TGFBRAP1: variants seen among roughly 807,000 people sequenced by gnomAD.
TGFBRAP1 encodes transforming growth factor beta receptor associated protein 1.
TGFBRAP1 carries 20 observed loss-of-function variants against 83.2 expected under a neutral mutation model. The ratio of observed to expected loss-of-function variants is 0.24; its 90% CI spans 0.17 to 0.35. The LOEUF is 0.35. TGFBRAP1 is among the 10% of genes least tolerant of loss of function. The pLI is 1.00. For missense variants in TGFBRAP1, 950 were observed against 1,099.4 expected (o/e 0.86, Z 1.92); for synonymous variants, 415 against 459.8 (o/e 0.90, Z 1.25).
chr2:105,284,429 T>A, intron 4 of TGFBRAP1, 31 bp from the exon 5 acceptor site: 1 of 1,601,532 alleles, frequency 6.2e-7, no homozygotes, highest in Non-Finnish European at 8.6e-7. Context: ...AATCTCTTAG[T>A]GAATCTTGAA....
At chr2:105,316,462 T>TGTGTGTGTGTGTGCGC (rs1177329674) in intron 1 of TGFBRAP1, among the ~76,000 whole-genome samples, 13 of 84,810 alleles carry the variant, frequency 1.5e-4, no homozygotes, top group African/African-American at 3.2e-4. Flanking sequence ...TGTGTGTGTG[T>TGTGTGTGTGTGTGCGC]GCGCGCGCGC....
chr2:105,305,108 G>A lies in TGFBRAP1; in HGVS notation c.688+2506C>T, dbSNP rs138081707. Among the ~76,000 whole-genome samples the A allele has an allele frequency of 4.3e-4, 66 of 152,296 alleles. 1 individual carries two copies. In the East Asian group the frequency reaches 0.01, roughly 23 times the overall value. On this transcript the variant is annotated intron_variant, in intron 2 of 11. Transcript: ENST00000393359. ...ATGATGTGCCCCCTGTACCACTGTC[G>A]TGTGGATAACGGGAGGGCAGGAGGT...
At chr2:105,252,943 AC>A in the TGFBRAP1 span, among the ~76,000 whole-genome samples, 2 of 151,084 alleles carry the variant, frequency 1.3e-5, no homozygotes, top group African/African-American at 4.9e-5. Context: ...TTTAGTAGCG[AC>A]GGGGTTTCAC....
the TGFBRAP1 span, among the ~76,000 whole-genome samples, chr2:105,250,376 C>T: frequency 6.6e-6 from 1 of 152,184 alleles, no homozygotes; most frequent in Admixed American, 6.5e-5. Flanking sequence ...CTGCTGCTGC[C>T]TCTGGCATCT....
At chr2:105,274,404 G>A (rs183998014) in intron 8 of TGFBRAP1, among the ~76,000 whole-genome samples, 182 of 152,274 alleles carry the variant, frequency 1.2e-3, no homozygotes, top group Middle Eastern at 0.01. Flanking sequence ...ATACATTCAC[G>A]TATCATGTAT....
chr2:105,303,383 G>A, intron 2 of TGFBRAP1, among the ~76,000 whole-genome samples: 1 of 152,186 alleles, frequency 6.6e-6, no homozygotes, highest in South Asian at 2.1e-4. Flanking sequence ...TAAACATCAG[G>A]GCTTTTTGGA....
rs1677388626 is a variant in TGFBRAP1, at chr2:105,277,506, A to G, written c.1521+108T>C. 8 of 966,848 alleles carry G rather than the reference A, an allele frequency of 8.3e-6. No homozygotes were observed. The Admixed American group carries it at 1.4e-4, about 17-fold the overall frequency. The allele number at this position is 966,848 out of a possible 1,614,324, so 59.9% of individuals were successfully genotyped here. ...TTTTATTCTGTATAAAAGGGTGTAG[A>G]TCAGGCAAAAGTGGTCTCTATCAAC... On this transcript the variant is annotated intron_variant, in intron 7 of 11. Coordinates refer to ENST00000393359, the MANE Select transcript of TGFBRAP1 (RefSeq NM_004257.6).
rs1676904751 is a variant in TGFBRAP1, at chr2:105,265,666, C to T, written c.*1717G>A. Reference sequence around the variant, plus strand: ...ACAACAGAGTCACCCACAGGTAAAACACATGACTGGGCTTTGAGCTCACAC... The same window carrying T: ...ACAACAGAGTCACCCACAGGTAAAATACATGACTGGGCTTTGAGCTCACAC... On this transcript the variant is annotated 3_prime_UTR_variant, in exon 12 of 12. Coordinates refer to ENST00000393359, the MANE Select transcript of TGFBRAP1 (RefSeq NM_004257.6). 6.6e-6 allele frequency: 1 copy of T among 152,646 alleles called. No individual in the cohort carries two copies. The highest frequency in any genetic ancestry group is 1.5e-5 in the Non-Finnish European group (1 of 68,048). The allele number at this position is 152,646 out of a possible 1,614,324, so 9.5% of individuals were successfully genotyped here.
In TGFBRAP1 at chr2:105,281,138, G is replaced by T. The variant is rs370023524; in HGVS notation, c.1122-415C>A. On this transcript the variant is annotated intron_variant, in intron 5 of 11. Transcript: ENST00000393359. Reference sequence around the variant, plus strand: ...TTTTCCTGGCACTAAATTACAAACAGATTTGTTGAATGGTCCTTGAAGAAG... The same window carrying T: ...TTTTCCTGGCACTAAATTACAAACATATTTGTTGAATGGTCCTTGAAGAAG... 4.9e-4 allele frequency among the ~76,000 whole-genome samples: 74 copies of T among 152,298 alleles called. 2 individuals are homozygous for T. In the South Asian group the frequency reaches 0.015, roughly 30 times the overall value.
intron 2 of TGFBRAP1, among the ~76,000 whole-genome samples, chr2:105,300,217 A>G (rs1678237344): frequency 6.6e-6 from 1 of 152,142 alleles, no homozygotes; most frequent in African/African-American, 2.4e-5. Context: ...ACTATGCTGA[A>G]GATAGAATCT....
In TGFBRAP1 at chr2:105,298,694, TG is replaced by T; in HGVS notation, c.699del (p.Thr234GlnfsTer17). The T allele has an allele frequency of 6.4e-7, 1 of 1,574,344 alleles. No homozygotes were observed. Among genetic ancestry groups the T allele is most frequent in the Non-Finnish European group, 8.7e-7 (1 of 1,156,032 alleles). Reference protein sequence around the residue: ...LAGPGGLGMFATVAGISQRAP... With the variant: ...LAGPGGLGMFXTVAGISQRAP... ...GCGCGCTGGGATATCCCTGCGACTG[TG>T]GCAAACATGCCTAGAAGTAAGAAGA... On this transcript the variant is annotated frameshift_variant, in exon 3 of 12. Transcript: ENST00000393359. LOFTEE classifies it high-confidence loss of function.
At chr2:105,254,919 G>A in the TGFBRAP1 span, among the ~76,000 whole-genome samples, 1 of 152,174 alleles carries the variant, frequency 6.6e-6, no homozygotes, top group African/African-American at 2.4e-5. Flanking sequence ...GCCAGGAAGA[G>A]AGCCCTCTCC....
At chr2:105,301,997 T>C (rs1419075731) in intron 2 of TGFBRAP1, among the ~76,000 whole-genome samples, 5 of 32,476 alleles carry the variant, frequency 1.5e-4, no homozygotes, top group Admixed American at 1.1e-3. Flanking sequence ...ATCTCAAACA[T>C]ATAAAGAATA....
the TGFBRAP1 span, among the ~76,000 whole-genome samples, chr2:105,258,409 G>T: frequency 6.6e-6 from 1 of 152,102 alleles, no homozygotes; most frequent in African/African-American, 2.4e-5. Context: ...CCCTATGTGT[G>T]GGCATCATCC....
intron 5 of TGFBRAP1, among the ~76,000 whole-genome samples, chr2:105,281,372 G>A (rs1057067650): frequency 5.9e-5 from 9 of 152,094 alleles, no homozygotes; most frequent in African/African-American, 2.2e-4. Context: ...TCTCAAACCT[G>A]GCCCAGTGTC....
intron 1 of TGFBRAP1, among the ~76,000 whole-genome samples, chr2:105,311,160 A>C: frequency 1.4e-5 from 2 of 144,650 alleles, no homozygotes; most frequent in Non-Finnish European, 1.6e-5. Flanking sequence ...AAAAAAAAAA[A>C]ACAAAAAACA....
intron 1 of TGFBRAP1, among the ~76,000 whole-genome samples, chr2:105,322,200 A>C (rs1420672626): frequency 6.6e-6 from 1 of 152,176 alleles, no homozygotes; most frequent in Non-Finnish European, 1.5e-5. Flanking sequence ...GAAAGAAAAA[A>C]CTTATAGAAT....
intron 2 of TGFBRAP1, 121 bp downstream of exon 2, chr2:105,307,493 C>A (rs1678541375): frequency 9.3e-7 from 1 of 1,075,476 alleles, no homozygotes; most frequent in Non-Finnish European, 1.3e-6. Flanking sequence ...CTCTGTCTTG[C>A]CACACACGCC....
At chr2:105,262,160 C>T (rs187949787), downstream of TGFBRAP1, among the ~76,000 whole-genome samples, 262 of 152,264 alleles carry the variant, frequency 1.7e-3, 1 homozygote, top group African/African-American at 6.0e-3. Flanking sequence ...TGCTTATGGA[C>T]GATGCCACTG....
Sources: allele counts gnomAD v4.1 joint callset (sites outside exome capture counted in the v4.1 genomes callset), GRCh38; gene constraint gnomAD v4.1.1; transcripts MANE v1.5; gene names NCBI Gene and HGNC (gene_info 2026-07-23, HGNC 2026-07-21).